Variants in UBAP1 observed in about 807,000 individuals in gnomAD.
UBAP1 encodes the protein ubiquitin-associated protein 1.
Under a neutral mutation model 39.0 loss-of-function variants are expected in UBAP1, and 5 were observed. The observed-to-expected ratio is 0.13, with a 90% CI of 0.07 to 0.27. UBAP1 has a LOEUF of 0.27. Among genes scored for constraint, UBAP1 ranks in the 10% least tolerant of loss-of-function variants. The pLI, the probability that UBAP1 is intolerant of heterozygous loss-of-function variation, is 1.00. For synonymous variants in UBAP1, 211 were observed against 225.1 expected (o/e 0.94, Z 0.56); for missense variants, 490 against 608.1 (o/e 0.81, Z 2.04).
chr9:34,184,227 T>A (rs1830250750), intron 1 of UBAP1, among the ~76,000 whole-genome samples: 1 of 152,092 alleles, frequency 6.6e-6, no homozygotes, highest in Admixed American at 6.6e-5. Context: ...ATTTCAGGTT[T>A]TAGAAATTTT....
chr9:34,234,784 T>G (rs1833599913), intron 3 of UBAP1, among the ~76,000 whole-genome samples: 1 of 152,196 alleles, frequency 6.6e-6, no homozygotes, highest in African/African-American at 2.4e-5. Flanking sequence ...CACATACAAT[T>G]CAGTATAGTA....
intron 1 of UBAP1, among the ~76,000 whole-genome samples, chr9:34,198,367 C>A (rs1218572129): frequency 2.6e-5 from 4 of 152,158 alleles, no homozygotes; most frequent in Non-Finnish European, 5.9e-5. Flanking sequence ...GGCCCTGCTC[C>A]AAGGTTAGAC....
chr9:34,189,300 C>G lies in UBAP1; in HGVS notation c.-8+10060C>G, dbSNP rs113697540. 6.1e-3 allele frequency among the ~76,000 whole-genome samples: 923 copies of G among 151,380 alleles called. 4 individuals carry two copies. The highest frequency in any genetic ancestry group is 0.012 in the Admixed American group (184 of 15,128). ...TCCTCCAGGGTTCAAGTGATTCTTT[C>G]ACCTCAGCCTCCCGAGTAGCTGGGA... On this transcript the variant is annotated intron_variant, in intron 1 of 6. Transcript: ENST00000297661.
intron 1 of UBAP1, among the ~76,000 whole-genome samples, chr9:34,195,537 T>A (rs1240482799): frequency 1.3e-5 from 2 of 152,148 alleles, no homozygotes; most frequent in Non-Finnish European, 2.9e-5. Context: ...TTATAATAAA[T>A]TTTGAAACCA....
intron 3 of UBAP1, among the ~76,000 whole-genome samples, chr9:34,238,787 A>G (rs1299502358): frequency 6.6e-6 from 1 of 152,214 alleles, no homozygotes; most frequent in East Asian, 1.9e-4. Flanking sequence ...ACATGATACT[A>G]TTAGCAATAT....
intron 1 of UBAP1, among the ~76,000 whole-genome samples, chr9:34,211,049 C>T (rs1831993394): frequency 6.6e-6 from 1 of 151,984 alleles, no homozygotes; most frequent in South Asian, 2.1e-4. Flanking sequence ...CATATGATTG[C>T]TAGCTTTTAA....
intron 1 of UBAP1, among the ~76,000 whole-genome samples, chr9:34,203,090 TCAGGATTTTG>T (rs1171598705): frequency 6.6e-6 from 1 of 152,152 alleles, no homozygotes; most frequent in Non-Finnish European, 1.5e-5. Flanking sequence ...TTTGCTACAG[TCAGGATTTTG>T]CAGTTTAATT....
intron 1 of UBAP1, among the ~76,000 whole-genome samples, chr9:34,219,568 A>G (rs973719768): frequency 1.4e-4 from 21 of 152,158 alleles, no homozygotes; most frequent in Middle Eastern, 3.4e-3. Context: ...CCTTGGCACC[A>G]GAAGTGTTTC....
chr9:34,202,863 C>T lies in UBAP1; in HGVS notation c.-7-18045C>T, dbSNP rs1200255822. ...AATTACTATAATAGCATTATCCTACCTATAGAAAATGAACTTATTCCTTAA... is the reference window on the plus strand; with the variant it reads ...AATTACTATAATAGCATTATCCTACTTATAGAAAATGAACTTATTCCTTAA... On this transcript the variant is annotated intron_variant, in intron 1 of 6. Transcript: ENST00000297661. Among the ~76,000 whole-genome samples the T allele has an allele frequency of 4.6e-5, 7 of 152,084 alleles. No homozygotes were observed. The East Asian group carries it at 9.6e-4, about 21-fold the overall frequency.
chr9:34,198,231 G>T (rs1587807522), intron 1 of UBAP1, among the ~76,000 whole-genome samples: 1 of 152,328 alleles, frequency 6.6e-6, no homozygotes, highest in East Asian at 1.9e-4. Flanking sequence ...GTCAGGTGAG[G>T]CTACAGGGTA....
chr9:34,243,068 G>T (rs1273170223), intron 4 of UBAP1, among the ~76,000 whole-genome samples: 1 of 152,020 alleles, frequency 6.6e-6, no homozygotes, highest in East Asian at 1.9e-4. Flanking sequence ...ATAAACCTTG[G>T]CCCGGGTAAA....
At chr9:34,197,927 T>C (rs759335368) in intron 1 of UBAP1, among the ~76,000 whole-genome samples, 6 of 152,236 alleles carry the variant, frequency 3.9e-5, no homozygotes, top group Admixed American at 6.5e-5. Context: ...TTTTAGTCTT[T>C]ACCAATTCAT....
chr9:34,195,925 TGG>T (rs1491201899), intron 1 of UBAP1, among the ~76,000 whole-genome samples: 2 of 122,460 alleles, frequency 1.6e-5, no homozygotes, highest in East Asian at 2.4e-4. Context: ...ACAAATTTTT[TGG>T]TTTTTTTTTT....
chr9:34,182,353 T>C (rs1830090372), intron 1 of UBAP1, among the ~76,000 whole-genome samples: 1 of 151,304 alleles, frequency 6.6e-6, no homozygotes, highest in Non-Finnish European at 1.5e-5. Flanking sequence ...CCCGGCTAAT[T>C]TTTATAGTTT....
chr9:34,219,009 CTT>C (rs1178472564), intron 1 of UBAP1, among the ~76,000 whole-genome samples: 1 of 152,096 alleles, frequency 6.6e-6, no homozygotes, highest in Non-Finnish European at 1.5e-5. Flanking sequence ...AATACATACA[CTT>C]TATAAATTTA....
chr9:34,205,450 T>C (rs1831631810), intron 1 of UBAP1, among the ~76,000 whole-genome samples: 1 of 152,236 alleles, frequency 6.6e-6, no homozygotes, highest in African/African-American at 2.4e-5. Flanking sequence ...TTGTTTTAGC[T>C]TTTTCATTTT....
intron 1 of UBAP1, among the ~76,000 whole-genome samples, chr9:34,184,787 C>T (rs1830297863): frequency 6.6e-6 from 1 of 151,154 alleles, no homozygotes; most frequent in Non-Finnish European, 1.5e-5. Context: ...CCATGTCCGG[C>T]TAATTTTTGT....
intron 4 of UBAP1, among the ~76,000 whole-genome samples, chr9:34,243,871 A>G (rs1232189759): frequency 6.6e-6 from 1 of 151,818 alleles, no homozygotes; most frequent in Non-Finnish European, 1.5e-5. Flanking sequence ...TTTTTCTTCA[A>G]CAGAGTCTCG....
intron 1 of UBAP1, among the ~76,000 whole-genome samples, chr9:34,185,515 C>T (rs1563883532): frequency 6.6e-6 from 1 of 152,124 alleles, no homozygotes; most frequent in East Asian, 1.9e-4. Flanking sequence ...TGCCCCTGCA[C>T]TCCAGCCTGG....
Sources: gnomAD v4.1 joint callset for allele counts (sites outside exome capture counted in the v4.1 genomes callset) on GRCh38, gnomAD v4.1.1 for gene constraint, MANE v1.5 for transcripts, NCBI Gene and HGNC (gene_info 2026-07-23, HGNC 2026-07-21) for gene names.